The following LIN7A variants were observed in gnomAD, a reference collection of about 807,000 sequenced individuals.
LIN7A encodes protein lin-7 homolog A.
A neutral mutation model predicts 29.8 loss-of-function variants in LIN7A; 25 were observed. That is an observed-to-expected ratio of 0.84 (90% CI 0.61 to 1.17). LIN7A has a LOEUF of 1.17. Among genes scored for constraint, LIN7A ranks in the 50% most tolerant of loss-of-function variants. LIN7A has a pLI of 0.00. For synonymous variants in LIN7A, 118 were observed against 107.5 expected (o/e 1.10, Z -0.60); for missense variants, 239 against 287.0 (o/e 0.83, Z 1.21).
intron 1 of LIN7A, among the ~76,000 whole-genome samples, chr12:80,895,755 T>C (rs890680620): frequency 2.0e-5 from 3 of 152,208 alleles, no homozygotes; most frequent in Non-Finnish European, 4.4e-5. Flanking sequence ...CTCTTTCCCC[T>C]TTCTTTTGAC....
intron 2 of LIN7A, among the ~76,000 whole-genome samples, chr12:80,851,043 C>T (rs1189284994): frequency 1.3e-5 from 2 of 152,136 alleles, no homozygotes; most frequent in African/African-American, 2.4e-5. Flanking sequence ...TCATCTCTAT[C>T]TCCCTTCAAA....
intron 1 of LIN7A, among the ~76,000 whole-genome samples, chr12:80,909,904 T>C (rs1876670453): frequency 6.6e-6 from 1 of 151,940 alleles, no homozygotes; most frequent in African/African-American, 2.4e-5. Flanking sequence ...TAATTGAGAT[T>C]GTCTTACATC....
intron 5 of LIN7A, among the ~76,000 whole-genome samples, chr12:80,804,438 T>G (rs970396034): frequency 2.0e-5 from 3 of 152,104 alleles, no homozygotes; most frequent in African/African-American, 7.2e-5. Context: ...ATTGCTTTGA[T>G]TTTTAGTTCC....
rs779804958 is a variant in LIN7A, at chr12:80,845,817, A to T, written c.396T>A (p.Ile132=). 6.5e-5 allele frequency: 105 copies of T among 1,613,952 alleles called. 1 individual carries two copies. In the South Asian group the frequency reaches 1.2e-3, roughly 18 times the overall value. The change falls in exon 4 of 6, where the codon ATT becomes ATA. Residue 132 remains isoleucine (I), a synonymous_variant. Coordinates refer to ENST00000552864, the MANE Select transcript of LIN7A (RefSeq NM_004664.4). ...VMGGKEQNSP[I]YISRIIPGGV... The stretch of plus-strand genomic sequence containing the variant: ...CTCCAGGAATTATGCGAGAGATATA[A>T]ATGGGGGAATTTTGCTCCTTTCCTC...
chr12:80,915,674 A>G (rs1004966024), intron 1 of LIN7A, among the ~76,000 whole-genome samples: 1 of 152,378 alleles, frequency 6.6e-6, no homozygotes, highest in Non-Finnish European at 1.5e-5. Flanking sequence ...CATAGACACT[A>G]TGGAACACTA....
rs930882098 is a variant in LIN7A at position 80,793,670 on chromosome 12, A to T, written c.*4057T>A. On this transcript the variant is annotated 3_prime_UTR_variant, in exon 6 of 6. Transcript: ENST00000552864. ...AAACATCTGAGTAAGTATGTGATTA[A>T]ACTTCAGCTTAGTGTATTCCAGGAA... 2 of 152,158 alleles carry T rather than the reference A, an allele frequency of 1.3e-5. No homozygotes were observed. Among genetic ancestry groups the T allele is most frequent in the Admixed American group, 1.3e-4 (2 of 15,270 alleles). The allele number at this position is 152,158 out of a possible 1,614,324, so 9.4% of individuals were successfully genotyped here.
At chr12:80,848,378 T>TCA in intron 2 of LIN7A, 56 bp from the exon 3 acceptor site, 3 of 1,253,068 alleles carry the variant, frequency 2.4e-6, no homozygotes, top group Non-Finnish European at 2.3e-6. Context: ...TAATAATTCT[T>TCA]TTATTGCAGA....
At chr12:80,815,636 C>A (rs1199495904) in intron 4 of LIN7A, among the ~76,000 whole-genome samples, 1 of 152,168 alleles carries the variant, frequency 6.6e-6, no homozygotes, top group East Asian at 1.9e-4. Flanking sequence ...AAACTTGTAG[C>A]ACCAGCTTCC....
intron 2 of LIN7A, among the ~76,000 whole-genome samples, chr12:80,876,920 G>A (rs934166292): frequency 4.0e-5 from 6 of 151,894 alleles, no homozygotes; most frequent in African/African-American, 1.2e-4. Flanking sequence ...TCAGGAGTTC[G>A]AGACTACCCT....
chr12:80,935,794 A>G (rs1307173571), intron 1 of LIN7A: 1 of 509,272 alleles, frequency 2.0e-6, no homozygotes, highest in South Asian at 1.4e-5. Flanking sequence ...GTACGTAATT[A>G]CACTCAGAAG....
intron 1 of LIN7A, among the ~76,000 whole-genome samples, chr12:80,904,919 A>T (rs1263891410): frequency 6.6e-6 from 1 of 152,098 alleles, no homozygotes; most frequent in Non-Finnish European, 1.5e-5. Flanking sequence ...GGAAATTTTT[A>T]TTCACATTTT....
In LIN7A at chr12:80,907,085, G is replaced by GTGTGTGTA. The variant is rs1876522812; in HGVS notation, c.83-17717_83-17716insTACACACA. On this transcript the variant is annotated intron_variant, in intron 1 of 5. Coordinates refer to ENST00000552864, the MANE Select transcript of LIN7A (RefSeq NM_004664.4). ...TGTGTGTGTGTGTGTGTGTGTGTGTGTGTGTGTGTGTGTTGAGGATTAAAT... is the reference window on the plus strand; with the variant it reads ...TGTGTGTGTGTGTGTGTGTGTGTGTGTGTGTGTATGTGTGTGTGTGTTGAGGATTAAAT... 2.7e-5 allele frequency among the ~76,000 whole-genome samples: 4 copies of GTGTGTGTA among 150,352 alleles called. No individual in the cohort carries two copies. In the South Asian group the frequency reaches 8.4e-4, roughly 32 times the overall value.
chr12:80,908,181 T>C (rs1198727581), intron 1 of LIN7A, among the ~76,000 whole-genome samples: 1 of 152,120 alleles, frequency 6.6e-6, no homozygotes, highest in African/African-American at 2.4e-5. Context: ...TTTTCCATTT[T>C]GTCTTAAATA....
chr12:80,819,100 G>T (rs1871674914), intron 4 of LIN7A, among the ~76,000 whole-genome samples: 1 of 152,188 alleles, frequency 6.6e-6, no homozygotes, highest in Non-Finnish European at 1.5e-5. Flanking sequence ...GATATTTTGA[G>T]AGAGAGAATG....
chr12:80,914,439 T>C (rs1166411555), intron 1 of LIN7A, among the ~76,000 whole-genome samples: 2 of 152,168 alleles, frequency 1.3e-5, no homozygotes, highest in Non-Finnish European at 2.9e-5. Flanking sequence ...ATCTTCCCCA[T>C]ACATTCAATC....
chr12:80,913,346 A>C (rs1876862359), intron 1 of LIN7A, among the ~76,000 whole-genome samples: 1 of 152,238 alleles, frequency 6.6e-6, no homozygotes. Flanking sequence ...CCTTTTAGCC[A>C]TTCTATAAAT....
intron 4 of LIN7A, among the ~76,000 whole-genome samples, chr12:80,829,859 A>G (rs1392783576): frequency 6.6e-6 from 1 of 152,248 alleles, no homozygotes; most frequent in Admixed American, 6.5e-5. Context: ...CTAAATATTA[A>G]CTTACATCCA....
rs1870274975 is a variant in LIN7A, at chr12:80,793,026, G to A, written c.*4701C>T. ...ACAATTTCCAAGTATTTTATATACA[G>A]TGACTCACTTAGTGACTCATTCATT... On this transcript the variant is annotated 3_prime_UTR_variant, in exon 6 of 6. Transcript: ENST00000552864. 6.6e-6 allele frequency: 1 copy of A among 152,012 alleles called. No homozygotes were observed. The highest frequency in any genetic ancestry group is 6.6e-5 in the Admixed American group (1 of 15,262). 9.4% of individuals were successfully genotyped at this position (152,012 alleles called of 1,614,324 possible).
chr12:80,800,489 CAAAAAAAAAAAAAA>C (rs55772850), intron 5 of LIN7A, among the ~76,000 whole-genome samples: 2 of 38,066 alleles, frequency 5.3e-5, no homozygotes, highest in African/African-American at 1.8e-4. Flanking sequence ...AACTCCGTCT[CAAAAAAAAAAAAAA>C]AAAAAAAAAA....
Sources: allele counts gnomAD v4.1 joint callset (sites outside exome capture counted in the v4.1 genomes callset), GRCh38; gene constraint gnomAD v4.1.1; transcripts MANE v1.5; gene names NCBI Gene and HGNC (gene_info 2026-07-23, HGNC 2026-07-21).